RBM20: variants seen among roughly 807,000 people sequenced by gnomAD.
RBM20 encodes RNA binding motif protein 20, also known as RNA-binding protein 20.
RBM20 carries 51 observed loss-of-function variants against 110.1 expected under a neutral mutation model. The ratio of observed to expected loss-of-function variants is 0.46; its 90% CI spans 0.37 to 0.59. The LOEUF (loss-of-function observed/expected upper bound fraction) is 0.59, where lower values mean the gene tolerates loss of function less well. RBM20 is among the 20% of genes least tolerant of loss of function. The probability of loss-of-function intolerance (pLI) is 0.00; values close to 1 mark genes in which losing one functional copy is unlikely to be tolerated. For synonymous variants in RBM20, 589 were observed against 618.2 expected (o/e 0.95, Z 0.70); for missense variants, 1,512 against 1,574.9 (o/e 0.96, Z 0.68).
At chr10:110,749,624 A>G (rs1168793459) in intron 1 of RBM20, among the ~76,000 whole-genome samples, 2 of 152,190 alleles carry the variant, frequency 1.3e-5, no homozygotes, top group African/African-American at 4.8e-5. Context: ...AGAGTAAGGT[A>G]CATCCACAGG....
At chr10:110,727,694 T>A (rs959320262) in intron 1 of RBM20, among the ~76,000 whole-genome samples, 2 of 152,218 alleles carry the variant, frequency 1.3e-5, no homozygotes, top group South Asian at 4.1e-4. Flanking sequence ...GCAGGTTTGT[T>A]ACATAGGTAT....
intron 1 of RBM20, among the ~76,000 whole-genome samples, chr10:110,774,504 G>A (rs1383949954): frequency 1.3e-5 from 2 of 151,636 alleles, no homozygotes; most frequent in Non-Finnish European, 2.9e-5. Flanking sequence ...AATTCATCTG[G>A]TATATGTTGA....
chr10:110,763,318 G>T (rs957965824), intron 1 of RBM20, among the ~76,000 whole-genome samples: 9 of 151,856 alleles, frequency 5.9e-5, no homozygotes, highest in African/African-American at 2.2e-4. Context: ...CTCCTCCAAG[G>T]GGCTAAGTTA....
chr10:110,757,405 A>G (rs1412273736), intron 1 of RBM20, among the ~76,000 whole-genome samples: 1 of 152,184 alleles, frequency 6.6e-6, no homozygotes, highest in Non-Finnish European at 1.5e-5. Context: ...TACCCTTGCC[A>G]TTCAAATTTT....
At chr10:110,817,213 G>A (rs1844851415) in intron 9 of RBM20, among the ~76,000 whole-genome samples, 1 of 152,160 alleles carries the variant, frequency 6.6e-6, no homozygotes, top group African/African-American at 2.4e-5. Context: ...TGCCATCTGT[G>A]GGGCCGGAGC....
intron 1 of RBM20, among the ~76,000 whole-genome samples, chr10:110,652,835 G>A (rs1435011537): frequency 6.6e-6 from 1 of 152,172 alleles, no homozygotes; most frequent in African/African-American, 2.4e-5. Context: ...GTATGTACCA[G>A]CCTTAGTCTA....
chr10:110,660,018 A>G (rs1862080003), intron 1 of RBM20, among the ~76,000 whole-genome samples: 1 of 151,862 alleles, frequency 6.6e-6, no homozygotes, highest in Non-Finnish European at 1.5e-5. Flanking sequence ...GGTTTTCACC[A>G]TGTTGCTCAG....
In RBM20 at chr10:110,781,514, G is replaced by A; in HGVS notation, c.905G>A (p.Gly302Glu). The change falls in exon 2 of 14, where the codon GGG (glycine) becomes GAG (glutamate). Residue 302 changes from glycine (G) to glutamate (E), a missense_variant. Coordinates refer to ENST00000369519, the MANE Select transcript of RBM20 (RefSeq NM_001134363.3). The part of the protein sequence containing the change: ...VASGFPAEQA[G>E]GLKSEVGPLL... The stretch of plus-strand genomic sequence containing the variant: ...AGCGGATTTCCAGCTGAGCAGGCTG[G>A]GGGCCTGAAAAGTGAGGTCGGGCCA... 2 of 1,551,654 alleles carry A rather than the reference G, an allele frequency of 1.3e-6. No individual in the cohort carries two copies. Among genetic ancestry groups the A allele is most frequent in the East Asian group, 4.9e-5 (2 of 40,922 alleles).
At chr10:110,795,386 T>C (rs1483733060) in intron 5 of RBM20, among the ~76,000 whole-genome samples, 2 of 152,200 alleles carry the variant, frequency 1.3e-5, no homozygotes, top group Non-Finnish European at 2.9e-5. Context: ...CCTGAATCCT[T>C]GCTCCCCTTT....
chr10:110,745,232 T>C (rs1843765323), intron 1 of RBM20, among the ~76,000 whole-genome samples: 1 of 152,212 alleles, frequency 6.6e-6, no homozygotes, highest in Non-Finnish European at 1.5e-5. Flanking sequence ...CTTTCTAGCC[T>C]GAATACCACC....
In RBM20 at chr10:110,677,194, A is replaced by G. The variant is rs118090138; in HGVS notation, c.191+32549A>G. Among the ~76,000 whole-genome samples the G allele has an allele frequency of 8.9e-3, 1,350 of 152,274 alleles. 55 individuals carry two copies. Among genetic ancestry groups the G allele is most frequent in the Admixed American group, 0.072 (1,100 of 15,290 alleles). On this transcript the variant is annotated intron_variant, in intron 1 of 13. Transcript: ENST00000369519. ...CTAGCTCAGGCCTCTCTCCTCTTAT[A>G]AAGCCACCAGTCCCACTCTCATAAT...
intron 1 of RBM20, among the ~76,000 whole-genome samples, chr10:110,767,464 C>G (rs77965032): frequency 1.4e-5 from 2 of 144,112 alleles, no homozygotes; most frequent in Non-Finnish European, 1.5e-5. Flanking sequence ...GGGTGGCTGC[C>G]GGGCGGAGGG....
At chr10:110,702,413 G>A (rs910030825) in intron 1 of RBM20, among the ~76,000 whole-genome samples, 1 of 152,182 alleles carries the variant, frequency 6.6e-6, no homozygotes, top group Non-Finnish European at 1.5e-5. Flanking sequence ...GTACACACCT[G>A]TAGTCCCAGC....
At chr10:110,683,131 G>C (rs897748706) in intron 1 of RBM20, among the ~76,000 whole-genome samples, 1 of 152,288 alleles carries the variant, frequency 6.6e-6, no homozygotes, top group Non-Finnish European at 1.5e-5. Context: ...TCCAAAAGTG[G>C]TTGCTAAGTG....
intron 1 of RBM20, among the ~76,000 whole-genome samples, chr10:110,665,255 T>C (rs1028337278): frequency 6.6e-6 from 1 of 152,138 alleles, no homozygotes; most frequent in Non-Finnish European, 1.5e-5. Context: ...TGGTGAATAA[T>C]GAGTTTAGAC....
chr10:110,797,290 C>T (rs986858642), intron 5 of RBM20, among the ~76,000 whole-genome samples: 2 of 151,510 alleles, frequency 1.3e-5, no homozygotes, highest in East Asian at 1.9e-4. Flanking sequence ...GAGACCCGGT[C>T]TCAAAAATAT....
chr10:110,698,049 A>C (rs1047623607), intron 1 of RBM20, among the ~76,000 whole-genome samples: 19 of 151,724 alleles, frequency 1.3e-4, no homozygotes, highest in Admixed American at 2.6e-4. Flanking sequence ...CTGGGACTAC[A>C]GGCGCCCACC....
intron 1 of RBM20, among the ~76,000 whole-genome samples, chr10:110,773,160 T>C (rs1006088072): frequency 3.3e-5 from 5 of 152,244 alleles, no homozygotes; most frequent in Non-Finnish European, 7.3e-5. Context: ...GCATTTGTTC[T>C]TAAGGAGAAA....
chr10:110,697,176 C>T (rs1862677503), intron 1 of RBM20, among the ~76,000 whole-genome samples: 1 of 152,102 alleles, frequency 6.6e-6, no homozygotes, highest in Non-Finnish European at 1.5e-5. Flanking sequence ...TGGGGGATTT[C>T]ACACAACAAA....
Sources: gnomAD v4.1 joint callset for allele counts (sites outside exome capture counted in the v4.1 genomes callset) on GRCh38, gnomAD v4.1.1 for gene constraint, MANE v1.5 for transcripts, NCBI Gene and HGNC (gene_info 2026-07-23, HGNC 2026-07-21) for gene names.